TGIF1: variants seen among roughly 807,000 people sequenced by gnomAD.
TGIF1 encodes the protein homeobox protein TGIF1.
In TGIF1, 4 loss-of-function variants were observed where a neutral mutation model predicts 19.3. The ratio of observed to expected loss-of-function variants is 0.21; its 90% CI spans 0.10 to 0.47. TGIF1 has a LOEUF of 0.47. TGIF1 is among the 20% of genes least tolerant of loss of function. The pLI is 0.98. For missense variants in TGIF1, 275 were observed against 341.4 expected, an observed-to-expected ratio of 0.81 and a Z score of 1.53; for synonymous variants, 122 against 129.3, an observed-to-expected ratio of 0.94 and a Z score of 0.38.
chr18:3,451,252 A>G lies in TGIF1; in HGVS notation c.16+747A>G, dbSNP rs1219948820. ...GACAAGCAGGCTTGGTTGTAAGTGCAAAGAGCAAGGCTGTCATTGTTTCCA... is the reference window on the plus strand; with the variant it reads ...GACAAGCAGGCTTGGTTGTAAGTGCGAAGAGCAAGGCTGTCATTGTTTCCA... On this transcript the variant is annotated intron_variant, in intron 1 of 2. Coordinates refer to ENST00000343820, the MANE Select transcript of TGIF1 (RefSeq NM_003244.4). This position sits in a 1 kb window ranked among gnomAD's most constrained non-coding sequence, Gnocchi z 5.4. Among the ~76,000 whole-genome samples, 1 of 152,216 alleles carries G rather than the reference A, an allele frequency of 6.6e-6. No individual in the cohort carries two copies. The highest frequency in any genetic ancestry group is 6.5e-5 in the Admixed American group (1 of 15,288).
rs1017635133 is a variant in TGIF1, at chr18:3,450,260, C to G, written c.-230C>G. 1.0e-5 allele frequency: 15 copies of G among 1,430,628 alleles called. No homozygotes were observed. The Admixed American group carries it at 3.4e-4, about 33-fold the overall frequency. The allele number at this position is 1,430,628 out of a possible 1,614,324, so 88.6% of individuals were successfully genotyped here. A position where few individuals can be genotyped will look rare whatever the true frequency, so the allele number is the denominator to read the frequency against. On this transcript the variant is annotated 5_prime_UTR_variant, in exon 1 of 3. Coordinates refer to ENST00000343820, the MANE Select transcript of TGIF1 (RefSeq NM_003244.4). ...AGAGAGTTGGGCGAGGGAGAGCCCC[C>G]GGCCGGCTGCCAGAAGATCCCGGCG...
chr18:3,424,261 T>G (rs983931476), intron 2 of TGIF1, among the ~76,000 whole-genome samples: 1 of 152,136 alleles, frequency 6.6e-6, no homozygotes, highest in Non-Finnish European at 1.5e-5. Flanking sequence ...TTTTTTAATG[T>G]CAGATGGGTA....
chr18:3,447,328 T>A, upstream of TGIF1, among the ~76,000 whole-genome samples: 1 of 141,754 alleles, frequency 7.1e-6, no homozygotes, highest in Non-Finnish European at 1.5e-5. Flanking sequence ...CAAATTTGAA[T>A]CTATATACTT....
intron 2 of TGIF1, among the ~76,000 whole-genome samples, chr18:3,432,916 A>T (rs1361739706): frequency 2.0e-5 from 3 of 149,838 alleles, no homozygotes; most frequent in Non-Finnish European, 4.5e-5. Flanking sequence ...TGCGCCACCA[A>T]GCCCGGCTAA....
At chr18:3,424,235 GT>G (rs1003444096) in intron 2 of TGIF1, among the ~76,000 whole-genome samples, 28 of 150,566 alleles carry the variant, frequency 1.9e-4, no homozygotes, top group African/African-American at 5.4e-4. Flanking sequence ...AGCAAAGTAA[GT>G]TTTTTTTGTT....
chr18:3,430,805 C>G (rs1568034249), intron 2 of TGIF1, among the ~76,000 whole-genome samples: 1 of 152,100 alleles, frequency 6.6e-6, no homozygotes, highest in Non-Finnish European at 1.5e-5. Context: ...AGCCACTGCA[C>G]CCGGCTAGTT....
intron 2 of TGIF1, among the ~76,000 whole-genome samples, chr18:3,439,828 C>G (rs2082660316): frequency 6.6e-6 from 1 of 151,728 alleles, no homozygotes; most frequent in Non-Finnish European, 1.5e-5. Flanking sequence ...CAAGACCAGA[C>G]TGGGCAACGT....
chr18:3,446,116 G>T (rs984602079), upstream of TGIF1, among the ~76,000 whole-genome samples: 4 of 152,174 alleles, frequency 2.6e-5, no homozygotes, highest in Admixed American at 1.3e-4. Context: ...AAACTGTAAA[G>T]AATAATACAG....
intron 2 of TGIF1, among the ~76,000 whole-genome samples, chr18:3,443,245 A>G (rs2082696159): frequency 6.6e-6 from 1 of 152,060 alleles, no homozygotes; most frequent in Non-Finnish European, 1.5e-5. Context: ...GCTGAGTTAC[A>G]CATTGGAAAC....
chr18:3,446,247 G>T (rs1438433571), upstream of TGIF1, among the ~76,000 whole-genome samples: 3 of 152,102 alleles, frequency 2.0e-5, no homozygotes, highest in Admixed American at 2.0e-4. Context: ...GCAATGGCAC[G>T]ATCTCAGCTT....
At chr18:3,445,764 G>GAAAAAAAAAAA (rs1568041656), upstream of TGIF1, among the ~76,000 whole-genome samples, 4 of 24,124 alleles carry the variant, frequency 1.7e-4, no homozygotes, top group African/African-American at 6.6e-4. Flanking sequence ...GAGAAGAAAA[G>GAAAAAAAAAAA]CAAAAAAAAA....
At chr18:3,422,765 A>C (rs2082422270) in intron 2 of TGIF1, among the ~76,000 whole-genome samples, 1 of 134,542 alleles carries the variant, frequency 7.4e-6, no homozygotes, top group Non-Finnish European at 1.5e-5. Flanking sequence ...ATCTCCGCTC[A>C]CTGCAAGCTC....
chr18:3,413,659 C>T (rs1472518445), intron 1 of TGIF1, among the ~76,000 whole-genome samples: 2 of 151,906 alleles, frequency 1.3e-5, no homozygotes, highest in African/African-American at 4.8e-5. Context: ...CACTTGAACT[C>T]GGGAGTTCAA....
intron 2 of TGIF1, among the ~76,000 whole-genome samples, chr18:3,427,412 C>T (rs2082486698): frequency 6.6e-6 from 1 of 152,038 alleles, no homozygotes. Context: ...CTTCCTCAGC[C>T]TCCCGAGTAG....
intron 1 of TGIF1, chr18:3,415,255 G>A (rs2082317630): frequency 3.7e-6 from 1 of 268,482 alleles, no homozygotes; most frequent in Admixed American, 3.9e-5. Flanking sequence ...GGCCCCTGTG[G>A]ACACCAAGCC....
chr18:3,454,132 G>A (rs190045118), intron 1 of TGIF1, among the ~76,000 whole-genome samples: 6 of 152,312 alleles, frequency 3.9e-5, no homozygotes, highest in African/African-American at 1.4e-4. Flanking sequence ...GAGTTCCAGA[G>A]GTCTGGCATT....
At chr18:3,449,530 C>G (rs548928800), upstream of TGIF1, 3 of 985,316 alleles carry the variant, frequency 3.0e-6, no homozygotes, top group Non-Finnish European at 3.6e-6. Flanking sequence ...TAGGCTGTGT[C>G]TCATCATTCC....
intron 2 of TGIF1, among the ~76,000 whole-genome samples, chr18:3,435,815 T>C (rs1304251173): frequency 1.3e-5 from 2 of 152,146 alleles, no homozygotes; most frequent in East Asian, 1.9e-4. Context: ...GGTCTCCTTT[T>C]CCCCAAACTA....
chr18:3,427,820 G>C, intron 2 of TGIF1, among the ~76,000 whole-genome samples: 1 of 151,554 alleles, frequency 6.6e-6, no homozygotes, highest in East Asian at 1.9e-4. Flanking sequence ...GGATGGTCTC[G>C]AACTCTTGAC....
Sources: allele counts gnomAD v4.1 joint callset (sites outside exome capture counted in the v4.1 genomes callset), GRCh38; gene constraint gnomAD v4.1.1; non-coding constraint Gnocchi (gnomAD v3.1); transcripts MANE v1.5; gene names NCBI Gene and HGNC (gene_info 2026-07-23, HGNC 2026-07-21).